ZNF280C: variants seen among roughly 807,000 people sequenced by gnomAD.
The protein encoded by ZNF280C is suppressor of hairy wing homolog 3.
In ZNF280C, 14 loss-of-function variants were observed where a neutral mutation model predicts 53.6. The observed-to-expected ratio is 0.26, with a 90% CI of 0.17 to 0.41. The LOEUF is 0.41. Ranked by LOEUF, ZNF280C falls within the 10% of genes least tolerant of loss-of-function variation. The probability of loss-of-function intolerance (pLI) is 1.00; values close to 1 mark genes in which losing one functional copy is unlikely to be tolerated. For synonymous variants in ZNF280C, 203 were observed against 181.1 expected (o/e 1.12, Z -0.97); for missense variants, 416 against 547.1 (o/e 0.76, Z 2.39).
intron 7 of ZNF280C, 37 bp from the exon 8 acceptor site, chrX:130,236,357 T>C: frequency 8.7e-7 from 1 of 1,149,889 alleles, no homozygotes; most frequent in Non-Finnish European, 1.2e-6. Context: ...CTCAAATCCA[T>C]CTTTTTAAAA....
rs1378754900 is a variant in ZNF280C at position 130,202,863 on chromosome X, T to C, written c.*2114A>G. On this transcript the variant is annotated 3_prime_UTR_variant, in exon 19 of 19. Coordinates refer to ENST00000370978, the MANE Select transcript of ZNF280C (RefSeq NM_017666.5). Reference sequence around the variant, plus strand: ...TAAAAAAAATATACATCTATATATATATGAGCAAGAAACAAGTGCATTTTT... The same window carrying C: ...TAAAAAAAATATACATCTATATATACATGAGCAAGAAACAAGTGCATTTTT... The C allele has an allele frequency of 1.8e-5, 2 of 111,747 alleles. No individual in the cohort carries two copies. Among genetic ancestry groups the C allele is most frequent in the Non-Finnish European group, 3.8e-5 (2 of 53,173 alleles). 9.2% of individuals were successfully genotyped at this position (111,747 alleles called of 1,213,427 possible).
chrX:130,236,579 G>A lies in ZNF280C; in HGVS notation c.554C>T (p.Thr185Ile), dbSNP rs1432534149. The change falls in exon 7 of 19, where the codon ACT becomes ATT. Residue 185 changes from threonine to isoleucine, a missense_variant. By Grantham distance (89) the Thr-to-Ile change is moderately conservative. Coordinates refer to ENST00000370978, the MANE Select transcript of ZNF280C (RefSeq NM_017666.5). ...TTCACTGGTCTTTGGTTTTTTTGGA[G>A]TAACACTGTTTACTTTAGAAGTAGA... is the stretch of plus-strand genomic sequence containing the variant. The part of the protein sequence containing the change: ...HPSTSKVNSV[T>I]PKKPKTSEDV... 2.5e-6 allele frequency: 3 copies of A among 1,201,999 alleles called. No individual in the cohort carries two copies. In the South Asian group the frequency reaches 5.4e-5, roughly 21 times the overall value.
At chrX:130,233,975 C>CT (rs1168072363) in intron 8 of ZNF280C, among the ~76,000 whole-genome samples, 4 of 110,161 alleles carry the variant, frequency 3.6e-5, no homozygotes, top group South Asian at 3.8e-4. Flanking sequence ...AAGTGAAAGA[C>CT]TTTTTTTAAA....
Position 130,205,779 on chromosome X carries a change from C to G in ZNF280C, c.2043-364G>C, listed in dbSNP as rs144699894. On this transcript the variant is annotated intron_variant, in intron 16 of 18. Coordinates refer to ENST00000370978, the MANE Select transcript of ZNF280C (RefSeq NM_017666.5). ...CTGTAGCCCCAGCTACTCTCAGCTA[C>G]TTGGGAGGCTGAGACAGGAGAATTG... Among the ~76,000 whole-genome samples, 924 of 107,599 alleles carry G rather than the reference C, an allele frequency of 8.6e-3. 12 individuals are homozygous for G. The highest frequency in any genetic ancestry group is 0.03 in the African/African-American group (892 of 29,408). 93.4% of individuals were successfully genotyped at this position (107,599 alleles called of 115,157 possible).
chrX:130,240,309 T>G (rs2032376549), intron 5 of ZNF280C, among the ~76,000 whole-genome samples: 1 of 111,410 alleles, frequency 9.0e-6, no homozygotes, highest in African/African-American at 3.2e-5. Flanking sequence ...ACTGATATAC[T>G]CTAATGTCAC....
chrX:130,249,803 G>C (rs777768087), intron 2 of ZNF280C, among the ~76,000 whole-genome samples: 4 of 111,677 alleles, frequency 3.6e-5, no homozygotes, highest in Non-Finnish European at 7.5e-5. Context: ...GTTCCGAAGG[G>C]GGCTGAGATG....
chrX:130,267,092 C>T (rs1441360364), intron 1 of ZNF280C, among the ~76,000 whole-genome samples: 1 of 102,572 alleles, frequency 9.7e-6, no homozygotes, highest in African/African-American at 3.6e-5. Context: ...CATTGCGAGA[C>T]TCCGTCTCAA....
chrX:130,260,914 T>G (rs1246573456), intron 1 of ZNF280C, among the ~76,000 whole-genome samples: 2 of 112,270 alleles, frequency 1.8e-5, no homozygotes, highest in Non-Finnish European at 3.8e-5. Context: ...TAATATATGT[T>G]TTAGTAAATC....
chrX:130,251,683 G>C (rs2032512020), intron 2 of ZNF280C, among the ~76,000 whole-genome samples: 1 of 109,915 alleles, frequency 9.1e-6, no homozygotes, highest in Non-Finnish European at 1.9e-5. Flanking sequence ...AGAATCTCTG[G>C]AACCCAGGAG....
intron 3 of ZNF280C, among the ~76,000 whole-genome samples, chrX:130,245,557 G>A (rs1247372791): frequency 9.0e-6 from 1 of 111,570 alleles, no homozygotes; most frequent in Non-Finnish European, 1.9e-5. Flanking sequence ...GCTATTCCAA[G>A]TTTAGAGCCA....
intron 1 of ZNF280C, among the ~76,000 whole-genome samples, chrX:130,263,974 G>A (rs2124719065): frequency 1.0e-5 from 1 of 99,133 alleles, no homozygotes; most frequent in African/African-American, 3.8e-5. Flanking sequence ...GCAGTGAGCC[G>A]AGATTGCACC....
chrX:130,218,077 G>A (rs754099950), intron 13 of ZNF280C, among the ~76,000 whole-genome samples: 6 of 111,164 alleles, frequency 5.4e-5, no homozygotes, highest in African/African-American at 2.0e-4. Flanking sequence ...TGGGAGGATC[G>A]CTTGAGCCTC....
At chrX:130,206,361 GTTTTTTT>G (rs1048503644) in intron 16 of ZNF280C, among the ~76,000 whole-genome samples, 2 of 73,476 alleles carry the variant, frequency 2.7e-5, no homozygotes, top group Middle Eastern at 0.011. Context: ...GACTTCTTTA[GTTTTTTT>G]TTTTTTTTTT....
intron 8 of ZNF280C, among the ~76,000 whole-genome samples, chrX:130,231,057 T>A (rs1234420115): frequency 9.0e-6 from 1 of 111,610 alleles, no homozygotes; most frequent in East Asian, 2.8e-4. Context: ...TGGCCCAAAA[T>A]CACCCATTTC....
At chrX:130,210,745 G>A (rs1247274778) in intron 15 of ZNF280C, among the ~76,000 whole-genome samples, 7 of 112,575 alleles carry the variant, frequency 6.2e-5, no homozygotes, top group Non-Finnish European at 1.1e-4. Context: ...ACAGCCAATG[G>A]TAATAGCTTT....
chrX:130,267,647 C>A (rs1056674194), intron 1 of ZNF280C, among the ~76,000 whole-genome samples: 4 of 111,831 alleles, frequency 3.6e-5, no homozygotes, highest in Admixed American at 9.5e-5. Flanking sequence ...AGGTACACAG[C>A]CCTAATTTTA....
In ZNF280C at chrX:130,236,301, T is replaced by C. The variant is rs756916034; in HGVS notation, c.684A>G (p.Pro228=). 2.5e-6 allele frequency: 3 copies of C among 1,203,394 alleles called. No individual in the cohort carries two copies. Among genetic ancestry groups the C allele is most frequent in the Non-Finnish European group, 3.4e-6 (3 of 890,507 alleles). ...TTAGGTAATCTGCTCCAGCATCATA[T>C]GGAGATGAGGTATTTGTACCTACAA... ...MLSKGTNTSS[P]YDAGADYLRA... is the part of the protein sequence containing the mutation. Residue 228 remains proline, a synonymous_variant, in exon 8 of 19, where the codon CCA becomes CCG. Transcript: ENST00000370978.
intron 15 of ZNF280C, among the ~76,000 whole-genome samples, chrX:130,214,935 A>C (rs1173398442): frequency 8.9e-6 from 1 of 112,021 alleles, no homozygotes; most frequent in African/African-American, 3.2e-5. Flanking sequence ...AAGAAAAAAA[A>C]GTCCCATAGA....
intron 13 of ZNF280C, among the ~76,000 whole-genome samples, chrX:130,217,700 T>TTA (rs1029208206): frequency 4.4e-5 from 5 of 112,718 alleles, no homozygotes; most frequent in African/African-American, 1.6e-4. Flanking sequence ...ATAAGCCTTC[T>TTA]ACTTATTCTA....
Sources: allele counts gnomAD v4.1 joint callset (sites outside exome capture counted in the v4.1 genomes callset), GRCh38; gene constraint gnomAD v4.1.1; transcripts MANE v1.5; gene names NCBI Gene and HGNC (gene_info 2026-07-23, HGNC 2026-07-21).